EYA2: variants seen among roughly 807,000 people sequenced by gnomAD.
EYA2 encodes EYA transcriptional coactivator and phosphatase 2.
In EYA2, 31 loss-of-function variants were observed where a neutral mutation model predicts 69.2. The ratio of observed to expected loss-of-function variants is 0.45; its 90% CI spans 0.34 to 0.60. The LOEUF (loss-of-function observed/expected upper bound fraction) is 0.60. Among genes scored for constraint, EYA2 ranks in the 20% least tolerant of loss-of-function variants. EYA2 has a pLI of 0.02. For synonymous variants in EYA2, 257 were observed against 279.4 expected, an observed-to-expected ratio of 0.92 and a Z score of 0.80; for missense variants, 622 against 701.2, an observed-to-expected ratio of 0.89 and a Z score of 1.28.
intron 1 of EYA2, among the ~76,000 whole-genome samples, chr20:46,897,288 G>A (rs1219676208): frequency 6.6e-6 from 1 of 152,204 alleles, no homozygotes; most frequent in Non-Finnish European, 1.5e-5. Flanking sequence ...GCTCTGTGGT[G>A]TAGCTAAGTA....
At chr20:47,081,040 T>G (rs114408821) in intron 7 of EYA2, among the ~76,000 whole-genome samples, 2,921 of 152,216 alleles carry the variant, frequency 0.019, 102 homozygotes, top group African/African-American at 0.066. Flanking sequence ...AATTTTTAAA[T>G]TTTTTGTAGA....
chr20:47,096,457 G>A (rs2032249055), intron 8 of EYA2, among the ~76,000 whole-genome samples: 2 of 152,324 alleles, frequency 1.3e-5, no homozygotes, highest in African/African-American at 4.8e-5. Context: ...GGAAAAGGTA[G>A]GGACTCCCAT....
At chr20:46,896,261 C>T (rs939768774) in intron 1 of EYA2, among the ~76,000 whole-genome samples, 7 of 152,116 alleles carry the variant, frequency 4.6e-5, no homozygotes, top group Admixed American at 3.3e-4. Flanking sequence ...AATTGTATTT[C>T]AAACCGAATC....
At chr20:46,985,050 C>T (rs1159117872) in intron 1 of EYA2, among the ~76,000 whole-genome samples, 2 of 152,202 alleles carry the variant, frequency 1.3e-5, no homozygotes, top group Admixed American at 6.5e-5. Context: ...ACACATGCCA[C>T]ACATAAAACA....
chr20:47,126,136 A>G (rs1349539459), intron 9 of EYA2, among the ~76,000 whole-genome samples: 1 of 152,228 alleles, frequency 6.6e-6, no homozygotes, highest in African/African-American at 2.4e-5. Flanking sequence ...GCCCAGCCCA[A>G]ATGCAGTCTG....
chr20:47,072,195 G>C lies in EYA2; in HGVS notation c.426G>C (p.Gly142=), dbSNP rs566535797. The change falls in exon 6 of 16, where the codon GGG becomes GGC. Residue 142 remains glycine, a synonymous_variant. Transcript: ENST00000327619. ...TCCTCCTTCCCACAGGCACAACAGG[G>C]TTCTATCAAGGAGGAAATGGACTGG... The part of the protein sequence containing the change: ...PYTYQMHGTT[G]FYQGGNGLGN... 1 of 1,612,974 alleles carries C rather than the reference G, an allele frequency of 6.2e-7. No homozygotes were observed. Among genetic ancestry groups the C allele is most frequent in the African/African-American group, 1.3e-5 (1 of 75,018 alleles).
chr20:47,116,670 T>TGCTCATTGACCC (rs2032903196), intron 9 of EYA2, among the ~76,000 whole-genome samples: 1 of 152,230 alleles, frequency 6.6e-6, no homozygotes, highest in Admixed American at 6.5e-5. Flanking sequence ...GGCATTGACC[T>TGCTCATTGACCC]GCTCATTGAC....
intron 1 of EYA2, among the ~76,000 whole-genome samples, chr20:46,930,266 A>G (rs1472996711): frequency 6.6e-6 from 1 of 152,254 alleles, no homozygotes; most frequent in Non-Finnish European, 1.5e-5. Context: ...GGTTAACACT[A>G]AAACTTTTAA....
intron 8 of EYA2, among the ~76,000 whole-genome samples, chr20:47,089,673 G>A (rs1351089979): frequency 6.6e-6 from 1 of 152,152 alleles, no homozygotes; most frequent in Non-Finnish European, 1.5e-5. Context: ...GCAGATCTGG[G>A]GCAGGGCATG....
At chr20:47,103,607 AAG>A (rs1346878661) in intron 9 of EYA2, among the ~76,000 whole-genome samples, 7 of 152,214 alleles carry the variant, frequency 4.6e-5, no homozygotes, top group African/African-American at 1.7e-4. Context: ...AGGAGAGAGA[AAG>A]TTCAGAGTGT....
At chr20:47,117,670 G>C (rs60955768) in intron 9 of EYA2, 2 of 985,290 alleles carry the variant, frequency 2.0e-6, no homozygotes, top group Non-Finnish European at 2.4e-6. Context: ...AAGAAAACCC[G>C]GTTTTATGAC....
chr20:47,187,930 T>G, intron 15 of EYA2, 123 bp from the exon 16 acceptor site: 1 of 972,434 alleles, frequency 1.0e-6, no homozygotes, highest in Non-Finnish European at 1.6e-6. Flanking sequence ...TGCCCCATAG[T>G]TTGGGAAGTC....
intron 9 of EYA2, among the ~76,000 whole-genome samples, chr20:47,140,387 C>T (rs933838762): frequency 5.9e-5 from 9 of 151,926 alleles, no homozygotes; most frequent in African/African-American, 1.2e-4. Flanking sequence ...GGGCCTGATT[C>T]TTCACAGTTG....
rs554679446 is a variant in EYA2 at position 46,915,668 on chromosome 20, G to A, written c.-11+20681G>A. Reference sequence around the variant, plus strand: ...TTGTTTTGATTTGAATGAGTTGCCGGCATTTAAAAATTAGGAGATTCCATA... The same window carrying A: ...TTGTTTTGATTTGAATGAGTTGCCGACATTTAAAAATTAGGAGATTCCATA... On this transcript the variant is annotated intron_variant, in intron 1 of 15. Coordinates refer to ENST00000327619, the MANE Select transcript of EYA2 (RefSeq NM_005244.5). 1.1e-3 allele frequency among the ~76,000 whole-genome samples: 167 copies of A among 152,242 alleles called. 2 individuals carry two copies. Among genetic ancestry groups the A allele is most frequent in the Non-Finnish European group, 2.0e-3 (137 of 68,018 alleles).
At chr20:47,009,419 A>G (rs1480155033) in intron 4 of EYA2, among the ~76,000 whole-genome samples, 1 of 152,246 alleles carries the variant, frequency 6.6e-6, no homozygotes, top group Admixed American at 6.5e-5. Flanking sequence ...TGAGCAAACT[A>G]GAGACAAGGA....
At chr20:46,919,253 C>T (rs1016271189) in intron 1 of EYA2, among the ~76,000 whole-genome samples, 3 of 152,248 alleles carry the variant, frequency 2.0e-5, no homozygotes, top group East Asian at 1.9e-4. Context: ...TTCAGCCTGT[C>T]GTTTGAGGCT....
intron 5 of EYA2, among the ~76,000 whole-genome samples, chr20:47,024,033 A>T (rs1466920218): frequency 6.6e-6 from 1 of 152,082 alleles, no homozygotes; most frequent in African/African-American, 2.4e-5. Context: ...AAACGTTTTA[A>T]TGTCCGTGTC....
At chr20:47,110,575 C>T (rs2146539630) in intron 9 of EYA2, among the ~76,000 whole-genome samples, 1 of 152,248 alleles carries the variant, frequency 6.6e-6, no homozygotes, top group East Asian at 1.9e-4. Context: ...GTGACTGTCT[C>T]GAGGGTAAAA....
intron 1 of EYA2, among the ~76,000 whole-genome samples, chr20:46,955,094 T>G (rs1979038688): frequency 6.6e-6 from 1 of 152,138 alleles, no homozygotes; most frequent in South Asian, 2.1e-4. Flanking sequence ...TTTTTCATTC[T>G]TTTGCTGCAT....
Sources: gnomAD v4.1 joint callset for allele counts (sites outside exome capture counted in the v4.1 genomes callset) on GRCh38, gnomAD v4.1.1 for gene constraint, MANE v1.5 for transcripts, NCBI Gene and HGNC (gene_info 2026-07-23, HGNC 2026-07-21) for gene names.